ANKRD30B: variants seen among roughly 807,000 people sequenced by gnomAD.
ANKRD30B encodes the protein ankyrin repeat domain 30B.
ANKRD30B carries 144 observed loss-of-function variants against 202.2 expected under a neutral mutation model. The observed-to-expected ratio is 0.71, with a 90% CI of 0.62 to 0.82. ANKRD30B has a LOEUF of 0.82. Ranked by LOEUF, ANKRD30B falls within the 40% of genes least tolerant of loss-of-function variation. The pLI is 0.00. For missense variants in ANKRD30B, 1,487 were observed against 1,669.1 expected (o/e 0.89, Z 1.90); for synonymous variants, 508 against 561.3 (o/e 0.91, Z 1.34).
At chr18:14,915,286 A>G in the ANKRD30B span, among the ~76,000 whole-genome samples, 1 of 152,132 alleles carries the variant, frequency 6.6e-6, no homozygotes, top group Admixed American at 6.6e-5. Flanking sequence ...TATCCTACCA[A>G]TGTGGTTGTT....
At chr18:14,889,181 A>G in the ANKRD30B span, among the ~76,000 whole-genome samples, 1 of 151,750 alleles carries the variant, frequency 6.6e-6, no homozygotes, top group African/African-American at 2.4e-5. Context: ...CTTTAAAATT[A>G]GGACCTATTT....
the ANKRD30B span, among the ~76,000 whole-genome samples, chr18:14,891,721 A>C: frequency 1.2e-3 from 183 of 152,334 alleles, no homozygotes; most frequent in African/African-American, 4.3e-3. Flanking sequence ...CATTCATGTA[A>C]TGTTCAACAG....
the ANKRD30B span, among the ~76,000 whole-genome samples, chr18:14,895,648 C>T: frequency 6.6e-6 from 1 of 152,152 alleles, no homozygotes; most frequent in African/African-American, 2.4e-5. Flanking sequence ...AATGGATAAA[C>T]AAACTATGGT....
chr18:14,868,093 G>T, the ANKRD30B span, among the ~76,000 whole-genome samples: 5 of 152,274 alleles, frequency 3.3e-5, no homozygotes, highest in African/African-American at 1.2e-4. Flanking sequence ...AGGCCAAGTG[G>T]TAGGAGCCTT....
At chr18:14,940,462 A>G in the ANKRD30B span, among the ~76,000 whole-genome samples, 1 of 152,204 alleles carries the variant, frequency 6.6e-6, no homozygotes, top group African/African-American at 2.4e-5. Context: ...CAAGTCAGGC[A>G]TGTGGGAAGG....
chr18:14,824,435 C>G (rs183581410), intron 32 of ANKRD30B, among the ~76,000 whole-genome samples: 1 of 148,562 alleles, frequency 6.7e-6, no homozygotes, highest in Admixed American at 6.7e-5. Context: ...CTCACTACCC[C>G]CTCTGCCTCC....
intron 16 of ANKRD30B, among the ~76,000 whole-genome samples, chr18:14,795,250 G>T (rs1309266176): frequency 1.3e-5 from 2 of 152,230 alleles, no homozygotes; most frequent in Non-Finnish European, 2.9e-5. Context: ...AGGCTGGAGT[G>T]CAGGGGCATG....
At chr18:14,928,222 C>T in the ANKRD30B span, among the ~76,000 whole-genome samples, 879 of 152,276 alleles carry the variant, frequency 5.8e-3, 5 homozygotes, top group Admixed American at 0.013. Context: ...CCTGCCTCGG[C>T]GTCCCAAAGT....
the ANKRD30B span, among the ~76,000 whole-genome samples, chr18:14,921,098 G>A: frequency 6.6e-6 from 1 of 152,236 alleles, no homozygotes; most frequent in African/African-American, 2.4e-5. Context: ...GTGATCAGGT[G>A]GCAGGTGTAA....
At chr18:14,919,410 T>C in the ANKRD30B span, among the ~76,000 whole-genome samples, 1 of 152,320 alleles carries the variant, frequency 6.6e-6, no homozygotes, top group Middle Eastern at 3.4e-3. Context: ...CAGCTCTCCC[T>C]GCTCTGGGCT....
chr18:14,912,101 A>C, the ANKRD30B span, among the ~76,000 whole-genome samples: 1 of 152,064 alleles, frequency 6.6e-6, no homozygotes, highest in Non-Finnish European at 1.5e-5. Flanking sequence ...TCTAGTTTGA[A>C]TGTCTTTTGA....
the ANKRD30B span, among the ~76,000 whole-genome samples, chr18:14,918,306 C>T: frequency 6.6e-6 from 1 of 152,114 alleles, no homozygotes; most frequent in Non-Finnish European, 1.5e-5. Context: ...TTGCTGCACC[C>T]CTTGGAACTG....
the ANKRD30B span, among the ~76,000 whole-genome samples, chr18:14,860,385 G>GT: frequency 9.0e-6 from 1 of 111,420 alleles, no homozygotes; most frequent in Non-Finnish European, 1.9e-5. Flanking sequence ...TTCCCAGAGG[G>GT]GGTGGCCGGG....
At chr18:14,882,558 G>C in the ANKRD30B span, among the ~76,000 whole-genome samples, 11 of 152,108 alleles carry the variant, frequency 7.2e-5, no homozygotes, top group Non-Finnish European at 1.3e-4. Context: ...TCCATGTGCT[G>C]TTGAATAGAA....
At chr18:14,859,042 T>G (rs1444990801), downstream of ANKRD30B, among the ~76,000 whole-genome samples, 1 of 87,344 alleles carries the variant, frequency 1.1e-5, no homozygotes, top group African/African-American at 5.2e-5. Flanking sequence ...CAGGCAGAGG[T>G]GCTCCTCGCC....
chr18:14,761,538 G>A (rs1256442915), intron 6 of ANKRD30B, among the ~76,000 whole-genome samples: 1 of 152,164 alleles, frequency 6.6e-6, no homozygotes, highest in Admixed American at 6.5e-5. Flanking sequence ...ACCCACTTTA[G>A]GCTATTTACT....
chr18:14,939,529 AG>A, the ANKRD30B span, among the ~76,000 whole-genome samples: 1 of 152,202 alleles, frequency 6.6e-6, no homozygotes, highest in Non-Finnish European at 1.5e-5. Context: ...TTGGAGAAAG[AG>A]GCTGCAGAAT....
At chr18:14,882,330 T>G in the ANKRD30B span, among the ~76,000 whole-genome samples, 7 of 152,168 alleles carry the variant, frequency 4.6e-5, no homozygotes, top group Non-Finnish European at 8.8e-5. Flanking sequence ...CGAAGAAATT[T>G]TTTACATTTC....
chr18:14,818,022 TGTCTAAATA>T (rs1970207659), intron 30 of ANKRD30B, among the ~76,000 whole-genome samples: 1 of 152,160 alleles, frequency 6.6e-6, no homozygotes, highest in South Asian at 2.1e-4. Flanking sequence ...ATACTTGATA[TGTCTAAATA>T]TATTAAAGTA....
Sources: allele counts gnomAD v4.1 joint callset (sites outside exome capture counted in the v4.1 genomes callset), GRCh38; gene constraint gnomAD v4.1.1; transcripts MANE v1.5; gene names NCBI Gene and HGNC (gene_info 2026-07-23, HGNC 2026-07-21).